The following SUMF1 variants were observed in gnomAD, a reference collection of about 807,000 sequenced individuals.
SUMF1 encodes the protein formylglycine-generating enzyme.
Under a neutral mutation model 47.6 loss-of-function variants are expected in SUMF1, and 48 were observed. That is an observed-to-expected ratio of 1.01 (90% CI 0.80 to 1.28). SUMF1 has a LOEUF of 1.28. SUMF1 is among the 50% of genes most tolerant of loss of function. The probability of loss-of-function intolerance (pLI) is 0.00; values close to 1 mark genes in which losing one functional copy is unlikely to be tolerated. For synonymous variants in SUMF1, 230 were observed against 192.1 expected (o/e 1.20, Z -1.63); for missense variants, 571 against 485.4 (o/e 1.18, Z -1.66).
chr3:4,433,055 G>T (rs711650), intron 3 of SUMF1, among the ~76,000 whole-genome samples: 2 of 151,998 alleles, frequency 1.3e-5, no homozygotes, highest in Non-Finnish European at 2.9e-5. Flanking sequence ...AATTCTGAAA[G>T]TTTCATCCAT....
rs73807248 is a variant in SUMF1 at position 4,459,962 on chromosome 3, A to G, written c.271-6913T>C. ...GGAAACAATCTAAATGTCCATCAAT[A>G]GCAGGCTCATTTTAAGTAAATTGTG... On this transcript the variant is annotated intron_variant, in intron 1 of 8. Coordinates refer to ENST00000272902, the MANE Select transcript of SUMF1 (RefSeq NM_182760.4). 2.4e-3 allele frequency among the ~76,000 whole-genome samples: 366 copies of G among 152,354 alleles called. 2 individuals are homozygous for G. Among genetic ancestry groups the G allele is most frequent in the African/African-American group, 8.4e-3 (349 of 41,582 alleles).
At chr3:4,210,344 G>A (rs1279429123) in intron 8 of SUMF1, among the ~76,000 whole-genome samples, 1 of 152,026 alleles carries the variant, frequency 6.6e-6, no homozygotes, top group Non-Finnish European at 1.5e-5. Flanking sequence ...ATACAATCTT[G>A]AAAAAGAACA....
intron 8 of SUMF1, among the ~76,000 whole-genome samples, chr3:4,275,934 A>T (rs1056260070): frequency 2.6e-5 from 4 of 152,164 alleles, no homozygotes; most frequent in African/African-American, 9.7e-5. Flanking sequence ...GAAAACCTGG[A>T]TCATTAAAAA....
intron 9 of SUMF1, among the ~76,000 whole-genome samples, chr3:4,041,658 C>T (rs761139543): frequency 2.6e-5 from 4 of 152,176 alleles, no homozygotes; most frequent in Middle Eastern, 3.4e-3. Context: ...CATTTTTATG[C>T]GTAGGTGACA....
rs577000214 is a variant in SUMF1, at chr3:4,220,493, G to A, written c.1015-151748C>T. Among the ~76,000 whole-genome samples the A allele has an allele frequency of 9.2e-5, 14 of 152,082 alleles. No individual in the cohort carries two copies. In the East Asian group the frequency reaches 2.5e-3, roughly 27 times the overall value. ...TGAAACCACAGAATGTATTATCTAG[G>A]ACGGTTTTCATTTTCATTTGTTTCC... On this transcript the variant is annotated intron_variant and NMD_transcript_variant, in intron 8 of 12. Transcript: ENST00000448413.
At chr3:4,278,644 T>A (rs960591108) in intron 8 of SUMF1, among the ~76,000 whole-genome samples, 1 of 152,102 alleles carries the variant, frequency 6.6e-6, no homozygotes, top group African/African-American at 2.4e-5. Flanking sequence ...ATACGTTATC[T>A]CCCTCAAGTG....
Position 4,099,518 on chromosome 3 carries a change from A to G in SUMF1, c.1015-30773T>C, listed in dbSNP as rs146764859. 1.3e-3 allele frequency among the ~76,000 whole-genome samples: 195 copies of G among 152,248 alleles called. 1 individual carries two copies. The highest frequency in any genetic ancestry group is 4.3e-3 in the African/African-American group (179 of 41,520). On this transcript the variant is annotated intron_variant and NMD_transcript_variant, in intron 8 of 12. Transcript: ENST00000448413. The stretch of plus-strand genomic sequence containing the variant: ...CAGCTAACATTATACTCAACACTGA[A>G]AAGTCAAATGCTTTCCATCTAAGAT...
intron 8 of SUMF1, among the ~76,000 whole-genome samples, chr3:4,221,834 C>T (rs1388931037): frequency 1.3e-5 from 2 of 152,048 alleles, no homozygotes; most frequent in South Asian, 2.1e-4. Context: ...CACACACACA[C>T]ATTTGGAAAA....
intron 8 of SUMF1, among the ~76,000 whole-genome samples, chr3:4,301,902 T>C (rs1697976212): frequency 6.6e-6 from 1 of 152,130 alleles, no homozygotes; most frequent in Non-Finnish European, 1.5e-5. Flanking sequence ...TTTGAAGCCA[T>C]GGGAGTGGAT....
intron 8 of SUMF1, among the ~76,000 whole-genome samples, chr3:4,268,063 AT>A (rs1280684417): frequency 2.6e-5 from 4 of 152,230 alleles, no homozygotes; most frequent in Admixed American, 6.5e-5. Flanking sequence ...GCCATAAAAA[AT>A]GATGAGTTCA....
downstream of SUMF1, among the ~76,000 whole-genome samples, chr3:4,356,410 CCGTGGGGACAG>C (rs11267094): frequency 0.96 from 145,709 of 151,364 alleles, 70,056 homozygotes; most frequent in East Asian, 1. Context: ...AAATGGTTTT[CCGTGGGGACAG>C]CGTGGGGACA....
At chr3:4,117,943 C>T (rs551241119) in intron 8 of SUMF1, among the ~76,000 whole-genome samples, 1 of 152,018 alleles carries the variant, frequency 6.6e-6, no homozygotes, top group East Asian at 1.9e-4. Flanking sequence ...CCACCAAGAG[C>T]CTGTGACTAT....
At chr3:4,428,781 A>T (rs1052539723) in intron 3 of SUMF1, among the ~76,000 whole-genome samples, 2 of 142,424 alleles carry the variant, frequency 1.4e-5, no homozygotes, top group Non-Finnish European at 3.1e-5. Context: ...CAAAAGCAAT[A>T]TCAAATTAAT....
At chr3:4,173,061 T>G (rs1428078024) in intron 8 of SUMF1, among the ~76,000 whole-genome samples, 2 of 152,230 alleles carry the variant, frequency 1.3e-5, no homozygotes, top group African/African-American at 4.8e-5. Flanking sequence ...AGTTTCAGTT[T>G]TCTACATAGG....
intron 3 of SUMF1, among the ~76,000 whole-genome samples, chr3:4,434,195 G>A (rs1449342071): frequency 6.6e-6 from 1 of 152,050 alleles, no homozygotes; most frequent in Non-Finnish European, 1.5e-5. Flanking sequence ...AATGCATAAT[G>A]TTGATGGTTG....
At chr3:4,324,621 G>C (rs1054548399) in intron 8 of SUMF1, among the ~76,000 whole-genome samples, 2 of 152,146 alleles carry the variant, frequency 1.3e-5, no homozygotes, top group African/African-American at 2.4e-5. Context: ...AGTCGATTAT[G>C]CATTGTCTCA....
At chr3:4,357,577 T>A (rs779793161), downstream of SUMF1, among the ~76,000 whole-genome samples, 3 of 138,732 alleles carry the variant, frequency 2.2e-5, no homozygotes, top group Admixed American at 1.5e-4. Context: ...CCCAACCAAC[T>A]TTTATTTATT....
At chr3:4,109,897 GAT>G (rs1693251746) in intron 8 of SUMF1, among the ~76,000 whole-genome samples, 1 of 152,070 alleles carries the variant, frequency 6.6e-6, no homozygotes, top group South Asian at 2.1e-4. Context: ...GGAGTAGTTT[GAT>G]TGTCTGAAGC....
At chr3:4,184,504 T>G (rs1400640733) in intron 8 of SUMF1, among the ~76,000 whole-genome samples, 1 of 151,890 alleles carries the variant, frequency 6.6e-6, no homozygotes, top group Non-Finnish European at 1.5e-5. Flanking sequence ...AAAGAGTCGA[T>G]TCTTACACTG....
Sources: allele counts gnomAD v4.1 joint callset (sites outside exome capture counted in the v4.1 genomes callset), GRCh38; gene constraint gnomAD v4.1.1; transcripts MANE v1.5; gene names NCBI Gene and HGNC (gene_info 2026-07-23, HGNC 2026-07-21).